The following IL1RAPL2 variants were observed in gnomAD, a reference collection of about 807,000 sequenced individuals.
IL1RAPL2 encodes interleukin 1 receptor accessory protein like 2.
Under a neutral mutation model 44.1 loss-of-function variants are expected in IL1RAPL2, and 3 were observed. The observed-to-expected ratio is 0.07, with a 90% CI of 0.03 to 0.18. IL1RAPL2 has a LOEUF of 0.18. Among genes scored for constraint, IL1RAPL2 ranks in the 10% least tolerant of loss-of-function variants. The pLI is 1.00. For synonymous variants in IL1RAPL2, 181 were observed against 178.8 expected (o/e 1.01, Z -0.10); for missense variants, 391 against 496.4 (o/e 0.79, Z 2.02).
At chrX:105,034,478 C>A (rs1428744384) in intron 2 of IL1RAPL2, among the ~76,000 whole-genome samples, 1 of 112,435 alleles carries the variant, frequency 8.9e-6, no homozygotes. Context: ...TTGGAGTTTG[C>A]TAGAGGTCCA....
intron 1 of IL1RAPL2, among the ~76,000 whole-genome samples, chrX:104,587,374 C>T (rs1449092361): frequency 2.7e-5 from 3 of 111,938 alleles, no homozygotes; most frequent in Non-Finnish European, 5.6e-5. Flanking sequence ...AACTGTGGCA[C>T]AGGCATGTGC....
chrX:104,999,247 A>G (rs1278482524), intron 2 of IL1RAPL2, among the ~76,000 whole-genome samples: 1 of 112,147 alleles, frequency 8.9e-6, no homozygotes, highest in African/African-American at 3.2e-5. Flanking sequence ...TTGTAACAAT[A>G]GAAGGCAGAG....
chrX:105,388,586 A>G (rs890242133), intron 5 of IL1RAPL2, among the ~76,000 whole-genome samples: 2 of 110,599 alleles, frequency 1.8e-5, no homozygotes, highest in Non-Finnish European at 3.8e-5. Flanking sequence ...GAGACAGAGC[A>G]ATAACCACAG....
At chrX:105,162,152 T>A (rs1221756211) in intron 2 of IL1RAPL2, among the ~76,000 whole-genome samples, 1 of 111,985 alleles carries the variant, frequency 8.9e-6, no homozygotes, top group Non-Finnish European at 1.9e-5. Context: ...AACATGGAGT[T>A]GTAACTTACT....
intron 5 of IL1RAPL2, among the ~76,000 whole-genome samples, chrX:105,297,865 G>T (rs114213086): frequency 0.036 from 3,974 of 111,103 alleles, 198 homozygotes; most frequent in African/African-American, 0.12. Flanking sequence ...AAGAGTGGAG[G>T]CCAGGAGACT....
intron 3 of IL1RAPL2, among the ~76,000 whole-genome samples, chrX:105,233,292 T>G (rs5962481): frequency 0.17 from 18,790 of 111,035 alleles, 3,194 homozygotes; most frequent in African/African-American, 0.52. Context: ...TCAAAAAAAA[T>G]CTGAATAGTT....
At chrX:105,142,034 C>G (rs188768444) in intron 2 of IL1RAPL2, among the ~76,000 whole-genome samples, 247 of 111,933 alleles carry the variant, frequency 2.2e-3, no homozygotes, top group African/African-American at 6.8e-3. Context: ...CTGCTTTCAT[C>G]ATAGAGTTCA....
chrX:104,941,986 G>C (rs1925190663), intron 2 of IL1RAPL2, among the ~76,000 whole-genome samples: 1 of 111,383 alleles, frequency 9.0e-6, no homozygotes, highest in African/African-American at 3.3e-5. Context: ...TTTTTGTCAG[G>C]TTTGTCAAAG....
chrX:105,406,372 A>C, intron 5 of IL1RAPL2: 1 of 1,065,309 alleles, frequency 9.4e-7, no homozygotes. Flanking sequence ...GCATTAATTT[A>C]TTGGGTGTGT....
chrX:104,864,170 T>C (rs1922558187), intron 2 of IL1RAPL2, among the ~76,000 whole-genome samples: 1 of 111,979 alleles, frequency 8.9e-6, no homozygotes, highest in African/African-American at 3.2e-5. Flanking sequence ...ATAGGCTGTG[T>C]TATAAAGAGC....
Position 105,740,708 on chromosome X carries a change from C to A in IL1RAPL2, c.1048+17C>A. On this transcript the variant is annotated intron_variant, in intron 8 of 10. Transcript: ENST00000372582. ...GTAAAAAGGGTATTTATTTTTATAACTATAACTATGGTTTGCTTAGCTATC... is the reference window on the plus strand; with the variant it reads ...GTAAAAAGGGTATTTATTTTTATAAATATAACTATGGTTTGCTTAGCTATC... The A allele has an allele frequency of 8.4e-7, 1 of 1,186,859 alleles. No homozygotes were observed. Among genetic ancestry groups the A allele is most frequent in the Non-Finnish European group, 1.1e-6 (1 of 877,162 alleles).
intron 4 of IL1RAPL2, among the ~76,000 whole-genome samples, chrX:105,253,162 C>T (rs967074149): frequency 5.4e-5 from 6 of 111,718 alleles, no homozygotes; most frequent in Non-Finnish European, 7.5e-5. Flanking sequence ...TTCTCTATTT[C>T]TTCTTGTTCT....
At chrX:105,602,936 T>C (rs2037265081) in intron 6 of IL1RAPL2, among the ~76,000 whole-genome samples, 1 of 110,365 alleles carries the variant, frequency 9.1e-6, no homozygotes, top group Non-Finnish European at 1.9e-5. Context: ...AAGAAATGCT[T>C]TAAAGACCCC....
Position 105,580,676 on chromosome X carries a change from A to G in IL1RAPL2, c.772+96289A>G, listed in dbSNP as rs973365796. On this transcript the variant is annotated intron_variant, in intron 6 of 10. Transcript: ENST00000372582. ...AAAGAATTATCAAACCAAGACCTTG[A>G]GGCTCCTCCAGGAAAGGATGCTCAG... Among the ~76,000 whole-genome samples the G allele has an allele frequency of 3.6e-5, 4 of 111,602 alleles. No individual in the cohort carries two copies. In the Admixed American group the frequency reaches 3.8e-4, roughly 11 times the overall value.
intron 2 of IL1RAPL2, among the ~76,000 whole-genome samples, chrX:104,759,123 T>A (rs1171716522): frequency 3.6e-5 from 4 of 112,434 alleles, no homozygotes; most frequent in African/African-American, 1.3e-4. Context: ...CACTTATATA[T>A]GAATTTAGAT....
intron 2 of IL1RAPL2, among the ~76,000 whole-genome samples, chrX:105,121,672 T>C (rs1390530160): frequency 9.0e-6 from 1 of 111,647 alleles, no homozygotes; most frequent in Non-Finnish European, 1.9e-5. Flanking sequence ...TGTTTTGTTT[T>C]GTTCTAAATT....
intron 2 of IL1RAPL2, among the ~76,000 whole-genome samples, chrX:104,715,741 G>A (rs1431661341): frequency 9.2e-6 from 1 of 109,262 alleles, no homozygotes; most frequent in Non-Finnish European, 1.9e-5. Flanking sequence ...AGGTGAAAGA[G>A]CTCTACAAGG....
rs1458035847 is a variant in IL1RAPL2 at position 104,987,901 on chromosome X, A to T, written c.83-207574A>T. On this transcript the variant is annotated intron_variant, in intron 2 of 10. Transcript: ENST00000372582. ...TCCCTCAAGTAAAGCATGTCTGATAAATTTTGTAGACTGTTAGTGGAAATT... is the reference window on the plus strand; with the variant it reads ...TCCCTCAAGTAAAGCATGTCTGATATATTTTGTAGACTGTTAGTGGAAATT... Among the ~76,000 whole-genome samples the T allele has an allele frequency of 3.6e-5, 4 of 111,428 alleles. No individual in the cohort carries two copies. In the Admixed American group the frequency reaches 3.8e-4, roughly 11 times the overall value.
At chrX:104,739,391 T>A (rs1210625585) in intron 2 of IL1RAPL2, among the ~76,000 whole-genome samples, 1 of 112,439 alleles carries the variant, frequency 8.9e-6, no homozygotes, top group Non-Finnish European at 1.9e-5. Context: ...CACATTGTAA[T>A]CATCTAGATC....
Sources: allele counts gnomAD v4.1 joint callset (sites outside exome capture counted in the v4.1 genomes callset), GRCh38; gene constraint gnomAD v4.1.1; transcripts MANE v1.5; gene names NCBI Gene and HGNC (gene_info 2026-07-23, HGNC 2026-07-21).